The following COP1 variants were observed in gnomAD, a reference collection of about 807,000 sequenced individuals.
COP1 encodes COP1 E3 ubiquitin ligase.
In COP1, 24 loss-of-function variants were observed where a neutral mutation model predicts 101.3. The observed-to-expected ratio is 0.24, with a 90% CI of 0.17 to 0.33. The LOEUF (loss-of-function observed/expected upper bound fraction) is 0.33, where lower values mean the gene tolerates loss of function less well. COP1 is among the 10% of genes least tolerant of loss of function. The pLI is 1.00. For missense variants in COP1, 663 were observed against 906.2 expected (o/e 0.73, Z 3.45); for synonymous variants, 347 against 341.9 (o/e 1.01, Z -0.17).
At chr1:176,016,886 T>C (rs1665759048) in intron 15 of COP1, among the ~76,000 whole-genome samples, 1 of 152,156 alleles carries the variant, frequency 6.6e-6, no homozygotes, top group South Asian at 2.1e-4. Flanking sequence ...TAGGAACACA[T>C]TAGGTAAATG....
chr1:176,172,439 TGA>T (rs148223719), intron 3 of COP1, among the ~76,000 whole-genome samples: 14 of 152,352 alleles, frequency 9.2e-5, no homozygotes, highest in Non-Finnish European at 1.6e-4. Context: ...AATTTTCATA[TGA>T]GTTATACAAG....
chr1:175,984,667 C>T (rs1158543540), intron 18 of COP1, among the ~76,000 whole-genome samples: 2 of 152,206 alleles, frequency 1.3e-5, no homozygotes, highest in South Asian at 2.1e-4. Flanking sequence ...CAGACAATGC[C>T]AGCTCGTTAA....
chr1:175,988,103 G>A (rs536387685), intron 17 of COP1, among the ~76,000 whole-genome samples, 185 bp downstream of exon 17: 2 of 152,310 alleles, frequency 1.3e-5, no homozygotes, highest in South Asian at 4.1e-4. Context: ...AATAAAAAAG[G>A]GAAGGACTAA....
At chr1:175,966,871 G>A (rs1293011151) in intron 18 of COP1, among the ~76,000 whole-genome samples, 2 of 152,112 alleles carry the variant, frequency 1.3e-5, no homozygotes, top group Non-Finnish European at 2.9e-5. Flanking sequence ...GTGTTCCAAA[G>A]TCAACATACA....
intron 14 of COP1, among the ~76,000 whole-genome samples, chr1:176,038,543 G>A (rs1669959045): frequency 6.6e-6 from 1 of 152,180 alleles, no homozygotes; most frequent in Non-Finnish European, 1.5e-5. Context: ...GATAGGGCTG[G>A]GCATGGTGGC....
chr1:175,966,211 AG>A (rs1413095197), intron 18 of COP1, among the ~76,000 whole-genome samples: 6 of 152,140 alleles, frequency 3.9e-5, no homozygotes, highest in Non-Finnish European at 7.4e-5. Flanking sequence ...AATGTTAGTT[AG>A]CCTTCCCTGC....
chr1:175,984,659 G>A (rs1279322031), intron 18 of COP1, among the ~76,000 whole-genome samples: 1 of 152,204 alleles, frequency 6.6e-6, no homozygotes, highest in African/African-American at 2.4e-5. Flanking sequence ...AAAAGCCACA[G>A]ACAATGCCAG....
chr1:176,143,146 A>AGAGAGAAAGAG (rs1553286862), intron 6 of COP1, among the ~76,000 whole-genome samples: 3 of 66,564 alleles, frequency 4.5e-5, no homozygotes, highest in South Asian at 3.8e-4. Flanking sequence ...GAGCGAGAGA[A>AGAGAGAAAGAG]AGAGAGAGAG....
intron 11 of COP1, among the ~76,000 whole-genome samples, chr1:176,057,137 T>C (rs1418747020): frequency 6.6e-6 from 1 of 152,216 alleles, no homozygotes; most frequent in Non-Finnish European, 1.5e-5. Context: ...ATTCCAAACT[T>C]ACTAATTATA....
intron 10 of COP1, among the ~76,000 whole-genome samples, chr1:176,085,070 T>C (rs1028683937): frequency 3.9e-5 from 6 of 152,164 alleles, no homozygotes; most frequent in African/African-American, 1.4e-4. Context: ...ACTAAATTAC[T>C]TTTTTACAGT....
At chr1:176,164,143 A>C (rs557247303) in intron 3 of COP1, among the ~76,000 whole-genome samples, 1 of 152,332 alleles carries the variant, frequency 6.6e-6, no homozygotes, top group Non-Finnish European at 1.5e-5. Context: ...CATGTTTCTC[A>C]ATGATGACGC....
chr1:176,186,780 G>A (rs1308900599), intron 1 of COP1, among the ~76,000 whole-genome samples: 1 of 152,086 alleles, frequency 6.6e-6, no homozygotes, highest in South Asian at 2.1e-4. Context: ...GTGTTGAAAC[G>A]GACTAGGGTG....
At chr1:176,097,590 T>G (rs991172677) in intron 9 of COP1, among the ~76,000 whole-genome samples, 1 of 152,024 alleles carries the variant, frequency 6.6e-6, no homozygotes, top group Admixed American at 6.6e-5. Flanking sequence ...ATAGACTGGC[T>G]GGGTGCAGCA....
In COP1 at chr1:176,008,933, C is replaced by T. The variant is rs560126176; in HGVS notation, c.1729+18639G>A. On this transcript the variant is annotated intron_variant, in intron 15 of 19. Transcript: ENST00000367669. ...AACAAGATTTCCTTAATGCTTTGCA[C>T]GATTTGTGTGTATGTTGTGGAATGC... 7.9e-5 allele frequency among the ~76,000 whole-genome samples: 12 copies of T among 152,276 alleles called. No homozygotes were observed. In the South Asian group the frequency reaches 1.0e-3, roughly 13 times the overall value.
At chr1:176,198,036 C>G (rs1472999499) in intron 1 of COP1, among the ~76,000 whole-genome samples, 1 of 152,106 alleles carries the variant, frequency 6.6e-6, no homozygotes, top group Non-Finnish European at 1.5e-5. Flanking sequence ...ATACTATGTT[C>G]ATGATTCAAA....
At chr1:176,078,515 C>G (rs994208693) in intron 11 of COP1, among the ~76,000 whole-genome samples, 4 of 151,850 alleles carry the variant, frequency 2.6e-5, no homozygotes, top group African/African-American at 9.7e-5. Flanking sequence ...AAACTTAAGT[C>G]TAAGACCTCA....
chr1:176,151,999 G>C (rs1224355948), intron 5 of COP1, among the ~76,000 whole-genome samples: 1 of 149,548 alleles, frequency 6.7e-6, no homozygotes, highest in African/African-American at 2.5e-5. Flanking sequence ...AATGGCATAC[G>C]CAAGTTATTT....
chr1:175,945,459 A>G (rs984609081), intron 19 of COP1, among the ~76,000 whole-genome samples: 2 of 152,228 alleles, frequency 1.3e-5, no homozygotes, highest in East Asian at 3.9e-4. Flanking sequence ...TAGCACAAAT[A>G]CATTTTTGGA....
At chr1:176,156,291 T>C (rs569792221) in intron 5 of COP1, among the ~76,000 whole-genome samples, 1 of 151,078 alleles carries the variant, frequency 6.6e-6, no homozygotes, top group East Asian at 1.9e-4. Flanking sequence ...AAAATTACAA[T>C]AAAAAGAAGT....
Sources: allele counts gnomAD v4.1 joint callset (sites outside exome capture counted in the v4.1 genomes callset), GRCh38; gene constraint gnomAD v4.1.1; transcripts MANE v1.5; gene names NCBI Gene and HGNC (gene_info 2026-07-23, HGNC 2026-07-21).